The following FAM107B variants were observed in gnomAD, a reference collection of about 807,000 sequenced individuals.
The protein encoded by FAM107B is family with sequence similarity 107 member B.
Under a neutral mutation model 31.5 loss-of-function variants are expected in FAM107B, and 21 were observed. The ratio of observed to expected loss-of-function variants is 0.67; its 90% CI spans 0.47 to 0.96. The LOEUF (loss-of-function observed/expected upper bound fraction) is 0.96, where lower values mean the gene tolerates loss of function less well. Ranked by LOEUF, FAM107B falls within the 40% of genes least tolerant of loss-of-function variation. FAM107B has a pLI of 0.00. For missense variants in FAM107B, 452 were observed against 377.1 expected (o/e 1.20, Z -1.64); for synonymous variants, 157 against 141.5 (o/e 1.11, Z -0.78).
intron 1 of FAM107B, among the ~76,000 whole-genome samples, chr10:14,718,912 C>A (rs1469762754): frequency 6.6e-6 from 1 of 152,118 alleles, no homozygotes. Context: ...CTCTCAACGA[C>A]CTTGAGAGGT....
intron 1 of FAM107B, among the ~76,000 whole-genome samples, chr10:14,694,527 G>T (rs1588711038): frequency 1.3e-5 from 2 of 152,120 alleles, no homozygotes; most frequent in South Asian, 4.1e-4. Context: ...GGGATTACAG[G>T]CATGCGCCAC....
intron 3 of FAM107B, chr10:14,529,822 T>C (rs528250556): frequency 6.6e-6 from 1 of 152,450 alleles, no homozygotes; most frequent in Admixed American, 6.5e-5. Flanking sequence ...ATAAAGACTA[T>C]GATAATAATC....
chr10:14,537,264 G>A (rs1328716007), intron 2 of FAM107B, among the ~76,000 whole-genome samples: 1 of 152,214 alleles, frequency 6.6e-6, no homozygotes, highest in Non-Finnish European at 1.5e-5. Flanking sequence ...GCAGGGAAAG[G>A]AATCCATCTT....
intron 2 of FAM107B, chr10:14,556,522 C>T (rs969333644): frequency 7.2e-6 from 4 of 558,666 alleles, no homozygotes; most frequent in South Asian, 1.6e-4. Context: ...AAAACAAAGC[C>T]GTGCGCAACG....
chr10:14,725,530 T>C lies in FAM107B; in HGVS notation c.411+48723A>G, dbSNP rs190395391. On this transcript the variant is annotated intron_variant, in intron 1 of 4. Coordinates refer to ENST00000181796, the MANE Select transcript of FAM107B (RefSeq NM_031453.4). ...GATTAAGGCTCTGGCAGATCCAGTG[T>C]CTAGTTAAGACCCCCTTCCTGGTTT... 1.7e-4 allele frequency among the ~76,000 whole-genome samples: 26 copies of C among 152,280 alleles called. 1 individual carries two copies. Among genetic ancestry groups the C allele is most frequent in the Admixed American group, 1.6e-3 (25 of 15,298 alleles).
intron 1 of FAM107B, among the ~76,000 whole-genome samples, chr10:14,703,244 C>T: frequency 6.6e-6 from 1 of 152,078 alleles, no homozygotes; most frequent in Non-Finnish European, 1.5e-5. Context: ...AATGAACCCT[C>T]CAAGGGCAAA....
intron 1 of FAM107B, among the ~76,000 whole-genome samples, chr10:14,728,678 G>C (rs777573978): frequency 2.6e-5 from 4 of 152,138 alleles, no homozygotes; most frequent in Non-Finnish European, 5.9e-5. Context: ...CAGCTGTGGG[G>C]GGACACACGT....
intron 1 of FAM107B, among the ~76,000 whole-genome samples, chr10:14,739,928 T>C (rs1310019233): frequency 1.3e-5 from 2 of 152,208 alleles, no homozygotes; most frequent in African/African-American, 2.4e-5. Flanking sequence ...ATCCCCTGGA[T>C]TGTTTGCTTG....
chr10:14,695,756 G>A (rs1215262877), intron 1 of FAM107B, among the ~76,000 whole-genome samples: 1 of 152,082 alleles, frequency 6.6e-6, no homozygotes, highest in South Asian at 2.1e-4. Context: ...AGAAAAGATT[G>A]TTTTCTTAAT....
intron 1 of FAM107B, among the ~76,000 whole-genome samples, chr10:14,694,542 C>T (rs1029915096): frequency 6.6e-6 from 1 of 152,094 alleles, no homozygotes; most frequent in Non-Finnish European, 1.5e-5. Flanking sequence ...CGCCACTATG[C>T]CCGGCTAATT....
At chr10:14,560,632 T>G (rs1056887468) in intron 2 of FAM107B, among the ~76,000 whole-genome samples, 7 of 152,128 alleles carry the variant, frequency 4.6e-5, no homozygotes, top group Admixed American at 2.6e-4. Flanking sequence ...GACAGGGGCC[T>G]CAGCAAGAGA....
intron 2 of FAM107B, among the ~76,000 whole-genome samples, chr10:14,573,470 T>C (rs1851356086): frequency 1.3e-5 from 2 of 150,744 alleles, no homozygotes. Flanking sequence ...TTCACACCTG[T>C]AATCCCAGCA....
intron 2 of FAM107B, among the ~76,000 whole-genome samples, chr10:14,639,110 C>T (rs1742205872): frequency 6.6e-6 from 1 of 152,112 alleles, no homozygotes; most frequent in African/African-American, 2.4e-5. Context: ...GGGAGGATTG[C>T]TTGAGCCTGA....
At chr10:14,600,178 A>C (rs1852340620) in intron 2 of FAM107B, among the ~76,000 whole-genome samples, 1 of 152,196 alleles carries the variant, frequency 6.6e-6, no homozygotes, top group South Asian at 2.1e-4. Flanking sequence ...TGCCCTTTGC[A>C]TGATACAAGT....
intron 1 of FAM107B, among the ~76,000 whole-genome samples, chr10:14,693,248 G>C (rs1855186276): frequency 6.6e-6 from 1 of 152,154 alleles, no homozygotes; most frequent in Non-Finnish European, 1.5e-5. Flanking sequence ...GGCCAAGGTG[G>C]GTGGATCTCC....
chr10:14,641,253 C>A (rs561455651), intron 2 of FAM107B, among the ~76,000 whole-genome samples: 3 of 152,238 alleles, frequency 2.0e-5, no homozygotes, highest in Admixed American at 1.3e-4. Context: ...TATTAAGTAC[C>A]GATTTTGACA....
At chr10:14,544,748 T>C (rs538357420) in intron 2 of FAM107B, among the ~76,000 whole-genome samples, 91 of 151,456 alleles carry the variant, frequency 6.0e-4, no homozygotes, top group African/African-American at 2.1e-3. Context: ...GCGGAAAAAA[T>C]GGAAGCCATT....
At chr10:14,605,402 G>A (rs1852563482) in intron 2 of FAM107B, among the ~76,000 whole-genome samples, 1 of 152,176 alleles carries the variant, frequency 6.6e-6, no homozygotes, top group Non-Finnish European at 1.5e-5. Flanking sequence ...AAGGACAACA[G>A]GTTCGTGGAT....
At chr10:14,605,719 A>G (rs1476067560) in intron 2 of FAM107B, among the ~76,000 whole-genome samples, 1 of 152,186 alleles carries the variant, frequency 6.6e-6, no homozygotes, top group Non-Finnish European at 1.5e-5. Flanking sequence ...CATGAACTTT[A>G]TACATGGTGT....
Sources: allele counts gnomAD v4.1 joint callset (sites outside exome capture counted in the v4.1 genomes callset), GRCh38; gene constraint gnomAD v4.1.1; transcripts MANE v1.5; gene names NCBI Gene and HGNC (gene_info 2026-07-23, HGNC 2026-07-21).